The following MYO16 variants were observed in gnomAD, a reference collection of about 807,000 sequenced individuals.
MYO16 encodes the protein unconventional myosin-XVI.
A neutral mutation model predicts 205.3 loss-of-function variants in MYO16; 94 were observed. That is an observed-to-expected ratio of 0.46 (90% confidence interval 0.39 to 0.54). MYO16 has a LOEUF of 0.54. Among genes scored for constraint, MYO16 ranks in the 20% least tolerant of loss-of-function variants. The probability of loss-of-function intolerance (pLI) is 0.00; values close to 1 mark genes in which losing one functional copy is unlikely to be tolerated. For missense variants in MYO16, 2,315 were observed against 2,387.5 expected (o/e 0.97, Z 0.63); for synonymous variants, 988 against 954.0 (o/e 1.04, Z -0.66).
At chr13:108,691,853 G>A (rs559674989) in intron 2 of MYO16, among the ~76,000 whole-genome samples, 49 of 152,236 alleles carry the variant, frequency 3.2e-4, no homozygotes, top group Non-Finnish European at 5.3e-4. Flanking sequence ...GAGGTAAGCC[G>A]GGAAAATAGC....
At chr13:108,986,701 T>C (rs1884649970) in intron 20 of MYO16, among the ~76,000 whole-genome samples, 2 of 150,908 alleles carry the variant, frequency 1.3e-5, no homozygotes, top group African/African-American at 2.4e-5. Flanking sequence ...ATGAAGGATA[T>C]AATTGATCTG....
chr13:108,706,116 A>G (rs1408611073), intron 2 of MYO16, among the ~76,000 whole-genome samples: 8 of 152,174 alleles, frequency 5.3e-5, no homozygotes, highest in Non-Finnish European at 1.0e-4. Flanking sequence ...TGATTTCGTA[A>G]TAACTCCAAC....
intron 5 of MYO16, among the ~76,000 whole-genome samples, chr13:108,792,888 C>CA (rs982467708): frequency 5.9e-5 from 9 of 151,814 alleles, no homozygotes; most frequent in Non-Finnish European, 1.3e-4. Flanking sequence ...TCAAAGAGAT[C>CA]AAAAACTGTA....
chr13:108,558,911 T>G, the MYO16 span, among the ~76,000 whole-genome samples: 1 of 152,142 alleles, frequency 6.6e-6, no homozygotes, highest in African/African-American at 2.4e-5. Flanking sequence ...GCTCATGTAT[T>G]GGTGAGCACA....
chr13:108,684,694 A>C (rs895557206), intron 2 of MYO16, among the ~76,000 whole-genome samples: 2 of 152,140 alleles, frequency 1.3e-5, no homozygotes, highest in African/African-American at 4.8e-5. Context: ...CCAACCCCTA[A>C]ACTTTGGAGG....
intron 4 of MYO16, among the ~76,000 whole-genome samples, chr13:108,778,430 C>A (rs981220946): frequency 7.9e-5 from 12 of 151,516 alleles, no homozygotes; most frequent in African/African-American, 2.7e-4. Flanking sequence ...ACCAGCCTGG[C>A]CAACATGGCG....
At chr13:108,626,014 A>G (rs952787268), upstream of MYO16, among the ~76,000 whole-genome samples, 1 of 152,290 alleles carries the variant, frequency 6.6e-6, no homozygotes, top group South Asian at 2.1e-4. Flanking sequence ...CATGTATCCC[A>G]TTTTAAAAGA....
At chr13:109,046,420 A>T (rs1887045553) in intron 23 of MYO16, among the ~76,000 whole-genome samples, 2 of 152,318 alleles carry the variant, frequency 1.3e-5, no homozygotes, top group South Asian at 4.1e-4. Flanking sequence ...GGTGAAGAAG[A>T]TTGCCCTTTA....
At chr13:108,563,852 T>C in the MYO16 span, among the ~76,000 whole-genome samples, 7 of 152,228 alleles carry the variant, frequency 4.6e-5, no homozygotes, top group Admixed American at 1.3e-4. Flanking sequence ...TTTTGGGGTA[T>C]ATACCCAGCA....
intron 9 of MYO16, among the ~76,000 whole-genome samples, chr13:108,834,356 G>C (rs1373430271): frequency 1.3e-5 from 2 of 152,140 alleles, no homozygotes; most frequent in East Asian, 3.9e-4. Flanking sequence ...AGATTTCAAA[G>C]GGATGACTCC....
chr13:108,665,855 T>C (rs1301553920), intron 1 of MYO16, 31 bp from the exon 2 acceptor site: 1 of 1,600,628 alleles, frequency 6.2e-7, no homozygotes, highest in South Asian at 1.1e-5. Flanking sequence ...TAATAATAGG[T>C]CTGGTGACGC....
chr13:108,965,879 A>G (rs1395815815), intron 20 of MYO16, among the ~76,000 whole-genome samples: 1 of 152,246 alleles, frequency 6.6e-6, no homozygotes, highest in Non-Finnish European at 1.5e-5. Context: ...CTTGTCTTCG[A>G]ATGAAACCTG....
intron 4 of MYO16, among the ~76,000 whole-genome samples, chr13:108,747,853 T>A (rs188140390): frequency 1.8e-4 from 27 of 152,244 alleles, no homozygotes; most frequent in Admixed American, 1.7e-3. Flanking sequence ...ATGCCAATAT[T>A]AATCAAAAGA....
At chr13:108,689,973 C>T (rs1313046251) in intron 2 of MYO16, among the ~76,000 whole-genome samples, 1 of 152,100 alleles carries the variant, frequency 6.6e-6, no homozygotes, top group Non-Finnish European at 1.5e-5. Flanking sequence ...GTTATTTTGC[C>T]AAATGTATAT....
intron 10 of MYO16, among the ~76,000 whole-genome samples, chr13:108,854,773 A>G (rs1878078734): frequency 2.6e-5 from 4 of 152,332 alleles, no homozygotes; most frequent in East Asian, 3.9e-4. Context: ...ATGGATTTTC[A>G]TTTAATTGAA....
rs1222914631 is a variant in MYO16 at position 108,712,748 on chromosome 13, T to C, written c.363+17T>C. On this transcript the variant is annotated intron_variant, in intron 3 of 34. Transcript: ENST00000457511. ...CTCCATCTGGTAAGAACCGCGACAG[T>C]CAGTGCCAGTGCATGGGGACACCCG... 1 of 1,606,766 alleles carries C rather than the reference T, an allele frequency of 6.2e-7. No homozygotes were observed. The highest frequency in any genetic ancestry group is 2.2e-5 in the East Asian group (1 of 44,730).
chr13:108,895,019 A>G (rs1164270897), intron 14 of MYO16, among the ~76,000 whole-genome samples: 1 of 152,224 alleles, frequency 6.6e-6, no homozygotes, highest in Non-Finnish European at 1.5e-5. Flanking sequence ...AATCACTTAA[A>G]TAAGCATTCA....
the MYO16 span, among the ~76,000 whole-genome samples, chr13:108,522,606 A>G: frequency 6.6e-6 from 1 of 152,150 alleles, no homozygotes; most frequent in South Asian, 2.1e-4. Flanking sequence ...TCCAAGATCA[A>G]GATGTGAGCA....
chr13:108,645,507 C>T (rs1056542995), intron 1 of MYO16, among the ~76,000 whole-genome samples: 1 of 152,160 alleles, frequency 6.6e-6, no homozygotes, highest in Non-Finnish European at 1.5e-5. Flanking sequence ...CTCTGTGCCC[C>T]GATCTCCTTC....
Sources: gnomAD v4.1 joint callset for allele counts (sites outside exome capture counted in the v4.1 genomes callset) on GRCh38, gnomAD v4.1.1 for gene constraint, MANE v1.5 for transcripts, NCBI Gene and HGNC (gene_info 2026-07-23, HGNC 2026-07-21) for gene names.